MYLK3: variants seen among roughly 807,000 people sequenced by gnomAD.
MYLK3 encodes myosin light chain kinase 3, also known as MLC kinase.
In MYLK3, 55 loss-of-function variants were observed where a neutral mutation model predicts 76.3. That is an observed-to-expected ratio of 0.72 (90% CI 0.58 to 0.90). The LOEUF (loss-of-function observed/expected upper bound fraction) is 0.90, where lower values mean the gene tolerates loss of function less well. MYLK3 is among the 40% of genes least tolerant of loss of function. The pLI is 0.00. For missense variants in MYLK3, 973 were observed against 1,053.6 expected (o/e 0.92, Z 1.06); for synonymous variants, 416 against 425.4 (o/e 0.98, Z 0.27).
intron 3 of MYLK3, among the ~76,000 whole-genome samples, chr16:46,736,168 T>G (rs747311764): frequency 3.3e-5 from 5 of 152,168 alleles, no homozygotes; most frequent in African/African-American, 4.8e-5. Context: ...CACGCCACCA[T>G]GCCCACGGTA....
At chr16:46,756,064 C>G (rs535747829) in intron 1 of MYLK3, among the ~76,000 whole-genome samples, 43 of 152,000 alleles carry the variant, frequency 2.8e-4, no homozygotes, top group Admixed American at 6.6e-4. Flanking sequence ...TACATGCCAC[C>G]ACACCCGGCT....
At chr16:46,738,714 G>T (rs1180325841) in intron 2 of MYLK3, among the ~76,000 whole-genome samples, 1 of 152,268 alleles carries the variant, frequency 6.6e-6, no homozygotes, top group African/African-American at 2.4e-5. Context: ...CATAACCACT[G>T]ATCATGTTGT....
chr16:46,757,968 G>A (rs974240603), intron 1 of MYLK3, among the ~76,000 whole-genome samples: 3 of 152,092 alleles, frequency 2.0e-5, no homozygotes, highest in African/African-American at 4.8e-5. Context: ...GAGAGGTGGC[G>A]GCCCTGCAGG....
intron 8 of MYLK3, among the ~76,000 whole-genome samples, chr16:46,721,465 A>G (rs1427873740): frequency 6.6e-6 from 1 of 152,218 alleles, no homozygotes; most frequent in Non-Finnish European, 1.5e-5. Context: ...GAGTGCAGAC[A>G]CAATGCCAGA....
At chr16:46,733,663 C>T (rs1194621670) in intron 3 of MYLK3, among the ~76,000 whole-genome samples, 1 of 152,030 alleles carries the variant, frequency 6.6e-6, no homozygotes, top group Non-Finnish European at 1.5e-5. Flanking sequence ...GAATCCAAAC[C>T]CTCTCTCTCC....
At chr16:46,742,271 G>C (rs759001787) in intron 1 of MYLK3, among the ~76,000 whole-genome samples, 12 of 152,022 alleles carry the variant, frequency 7.9e-5, no homozygotes, top group African/African-American at 2.7e-4. Flanking sequence ...AAAAATCTGA[G>C]GATGGCGGGG....
intron 9 of MYLK3, among the ~76,000 whole-genome samples, chr16:46,713,063 TA>T (rs1270673568): frequency 6.6e-6 from 1 of 152,110 alleles, no homozygotes; most frequent in African/African-American, 2.4e-5. Context: ...AGGAAGGGGT[TA>T]GGGGCAGGCA....
intron 1 of MYLK3, among the ~76,000 whole-genome samples, chr16:46,755,895 CTTTT>C (rs374240796): frequency 7.5e-6 from 1 of 134,208 alleles, no homozygotes; most frequent in African/African-American, 2.7e-5. Context: ...GTTCTTTTTT[CTTTT>C]TTCTTTCTTT....
intron 9 of MYLK3, among the ~76,000 whole-genome samples, chr16:46,717,259 C>G (rs1476608008): frequency 1.4e-4 from 22 of 152,192 alleles, no homozygotes. Flanking sequence ...CCACTGCTCA[C>G]TGGTAGGGAA....
chr16:46,747,547 A>C (rs1027421231), intron 1 of MYLK3, among the ~76,000 whole-genome samples, 170 bp downstream of exon 1: 4 of 152,168 alleles, frequency 2.6e-5, no homozygotes, highest in African/African-American at 9.7e-5. Context: ...CAGTGTCCGG[A>C]CTGGAAATCC....
rs202183804 is a variant in MYLK3 at position 46,732,368 on chromosome 16, G to C, written c.1302C>G (p.Asp434Glu). Residue 434 changes from aspartate to glutamate, a missense_variant, in exon 4 of 13, where the codon GAC becomes GAG. Physicochemically the swap from Asp to Glu is conservative, Grantham distance 45. Coordinates refer to ENST00000394809, the MANE Select transcript of MYLK3 (RefSeq NM_182493.3). ...PGTRPSLARS[D>E]DNDHEVGALG... ...GGGCCCCAACCTCGTGGTCATTGTC[G>C]TCACTCCTGGCCAAGCTTGGTCTCG... 7 of 1,613,548 alleles carry C rather than the reference G, an allele frequency of 4.3e-6. No homozygotes were observed. The African/African-American group carries it at 9.3e-5, about 22-fold the overall frequency.
Position 46,748,095 on chromosome 16 carries a change from G to C in MYLK3, c.99C>G (p.Asn33Lys), listed in dbSNP as rs116998681. Residue 33 changes from asparagine to lysine, a missense_variant, in exon 1 of 13, where the codon AAC becomes AAG. By Grantham distance (94) the Asn-to-Lys change is moderately conservative. Around this residue, in one of 2 missense-constraint regions of MYLK3, gnomAD observed 641 missense variants for 637.0 expected, o/e 1.01. Coordinates refer to ENST00000394809, the MANE Select transcript of MYLK3 (RefSeq NM_182493.3). The surrounding 1 kb of genome is among the most constrained non-coding windows in gnomAD (Gnocchi z 4.3). ...AGTGCAGGAGCTGGTCCACCTTCTC[G>C]TTCAGCATGTTCAGCTTTGTGTCCA... ...TTMDTKLNML[N>K]EKVDQLLHFQ... 4 of 1,614,224 alleles carry C rather than the reference G, an allele frequency of 2.5e-6. No individual in the cohort carries two copies. The East Asian group carries it at 8.9e-5, about 36-fold the overall frequency.
At chr16:46,736,799 CACCAGG>C (rs1272479682) in intron 3 of MYLK3, among the ~76,000 whole-genome samples, 10 of 152,220 alleles carry the variant, frequency 6.6e-5, no homozygotes, top group African/African-American at 2.4e-4. Flanking sequence ...TGCTAGGAAA[CACCAGG>C]TCCCTCCGAG....
intron 3 of MYLK3, among the ~76,000 whole-genome samples, chr16:46,734,617 T>TCA (rs759460427): frequency 6.8e-4 from 102 of 150,862 alleles, no homozygotes; most frequent in Non-Finnish European, 1.1e-3. Context: ...TGAGACTCCA[T>TCA]CACACACACA....
chr16:46,721,219 C>T (rs1029186714), intron 8 of MYLK3, 26 bp from the exon 9 acceptor site: 2 of 1,610,984 alleles, frequency 1.2e-6, no homozygotes. Flanking sequence ...GTCTGCTTAG[C>T]CCAAGCAATA....
chr16:46,750,224 C>G (rs1967104689), upstream of MYLK3, among the ~76,000 whole-genome samples: 2 of 152,220 alleles, frequency 1.3e-5, no homozygotes, highest in Non-Finnish European at 2.9e-5. Context: ...AGAGAAGTCT[C>G]AGAAGTCTAA....
intron 8 of MYLK3, among the ~76,000 whole-genome samples, chr16:46,725,092 C>T (rs1308373309): frequency 2.0e-5 from 3 of 151,984 alleles, no homozygotes; most frequent in Non-Finnish European, 2.9e-5. Flanking sequence ...ATTTTATTTA[C>T]AGATTGTTCA....
In MYLK3 at chr16:46,737,837, C is replaced by G; in HGVS notation, c.875G>C (p.Arg292Thr). ...PGAGQGASSS[R>T]PDPEPLEEGT... ...TTCCTCTAAGGGCTCAGGGTCAGGC[C>G]TGCTGGACGATGCTCCTTGTCCTGC... is the stretch of plus-strand genomic sequence containing the variant. Residue 292 changes from arginine to threonine, a missense_variant, in exon 3 of 13, where the codon AGG becomes ACG. Coordinates refer to ENST00000394809, the MANE Select transcript of MYLK3 (RefSeq NM_182493.3). 1 of 1,613,746 alleles carries G rather than the reference C, an allele frequency of 6.2e-7. No homozygotes were observed.
chr16:46,751,721 T>C (rs1967128281), upstream of MYLK3, among the ~76,000 whole-genome samples: 1 of 152,134 alleles, frequency 6.6e-6, no homozygotes, highest in African/African-American at 2.4e-5. Context: ...GGAAGGGAGC[T>C]CCAGGGAGCT....
Sources: allele counts gnomAD v4.1 joint callset (sites outside exome capture counted in the v4.1 genomes callset), GRCh38; gene constraint gnomAD v4.1.1; regional missense constraint gnomAD v4.1.1; non-coding constraint Gnocchi (gnomAD v3.1); transcripts MANE v1.5; gene names NCBI Gene and HGNC (gene_info 2026-07-23, HGNC 2026-07-21).